UBE2U: variants seen among roughly 807,000 people sequenced by gnomAD.
UBE2U encodes ubiquitin-conjugating enzyme E2 U.
In UBE2U, 39 loss-of-function variants were observed where a neutral mutation model predicts 41.2. That is an observed-to-expected ratio of 0.95 (90% CI 0.73 to 1.24). UBE2U has a LOEUF of 1.24. Ranked by LOEUF, UBE2U falls within the 50% of genes most tolerant of loss-of-function variation. The pLI, the probability that UBE2U is intolerant of heterozygous loss-of-function variation, is 0.00. For synonymous variants in UBE2U, 107 were observed against 117.8 expected (o/e 0.91, Z 0.60); for missense variants, 336 against 363.1 (o/e 0.93, Z 0.61).
chr1:64,230,372 A>T (rs2100381140), intron 6 of UBE2U, among the ~76,000 whole-genome samples: 1 of 152,336 alleles, frequency 6.6e-6, no homozygotes, highest in Middle Eastern at 3.4e-3. Flanking sequence ...CAAGATCAAG[A>T]TTACGGAATC....
intron 8 of UBE2U, among the ~76,000 whole-genome samples, chr1:64,259,266 G>A (rs1645145267): frequency 6.6e-6 from 1 of 152,098 alleles, no homozygotes; most frequent in South Asian, 2.1e-4. Context: ...CTCCCATTCT[G>A]TAGGTTGCCT....
chr1:64,223,388 A>G (rs988968158), intron 6 of UBE2U, among the ~76,000 whole-genome samples: 3 of 152,166 alleles, frequency 2.0e-5, no homozygotes, highest in Non-Finnish European at 4.4e-5. Flanking sequence ...CCACCAGAGA[A>G]TGTAGTTGGA....
At chr1:64,258,036 C>A (rs1222772543) in intron 8 of UBE2U, among the ~76,000 whole-genome samples, 1 of 152,108 alleles carries the variant, frequency 6.6e-6, no homozygotes, top group Non-Finnish European at 1.5e-5. Context: ...AATGTTTGCC[C>A]TGAATGTCAG....
intron 7 of UBE2U, among the ~76,000 whole-genome samples, chr1:64,235,073 G>T (rs1644640152): frequency 6.6e-6 from 1 of 152,140 alleles, no homozygotes; most frequent in Admixed American, 6.5e-5. Flanking sequence ...AAGGAGATTT[G>T]GGAATAATTG....
At chr1:64,230,292 T>G (rs1193910310) in intron 6 of UBE2U, among the ~76,000 whole-genome samples, 3 of 152,216 alleles carry the variant, frequency 2.0e-5, no homozygotes, top group Admixed American at 2.0e-4. Context: ...AAAGTCTTGC[T>G]CCAACATGGA....
intron 5 of UBE2U, 59 bp from the exon 6 acceptor site, chr1:64,220,800 T>G: frequency 7.9e-7 from 1 of 1,265,304 alleles, no homozygotes; most frequent in Non-Finnish European, 1.1e-6. Flanking sequence ...ATAGTGCACA[T>G]AAAGCCATAT....
intron 3 of UBE2U, among the ~76,000 whole-genome samples, chr1:64,208,766 C>T (rs1007875722): frequency 5.3e-5 from 8 of 151,334 alleles, no homozygotes; most frequent in Non-Finnish European, 8.8e-5. Flanking sequence ...CTAAACAGAA[C>T]GAGGAAGGTC....
intron 6 of UBE2U, among the ~76,000 whole-genome samples, chr1:64,224,937 A>T (rs911406456): frequency 6.4e-4 from 34 of 52,734 alleles, no homozygotes; most frequent in African/African-American, 2.5e-3. Context: ...GGATATTATC[A>T]CACACACACA....
At chr1:64,223,059 C>G (rs1652600551) in intron 6 of UBE2U, among the ~76,000 whole-genome samples, 1 of 152,106 alleles carries the variant, frequency 6.6e-6, no homozygotes, top group African/African-American at 2.4e-5. Context: ...CTTGGGAGAA[C>G]AGCTAGTACT....
At chr1:64,260,734 A>C (rs1010817692) in intron 9 of UBE2U, 40 bp downstream of exon 9, 71 of 1,464,578 alleles carry the variant, frequency 4.8e-5, no homozygotes, top group Non-Finnish European at 6.6e-5. Context: ...TTTATAAATA[A>C]CATATTATGC....
intron 9 of UBE2U, among the ~76,000 whole-genome samples, chr1:64,266,403 A>C (rs1205389796): frequency 6.6e-6 from 1 of 152,160 alleles, no homozygotes; most frequent in Non-Finnish European, 1.5e-5. Flanking sequence ...GATATCTTTG[A>C]TCAAGTTACT....
intron 8 of UBE2U, among the ~76,000 whole-genome samples, chr1:64,255,532 T>A (rs897004120): frequency 5.3e-5 from 8 of 152,212 alleles, no homozygotes; most frequent in African/African-American, 1.9e-4. Flanking sequence ...AATAAAATAC[T>A]GGCCAACTGA....
At chr1:64,264,890 C>CA (rs1329906004) in intron 9 of UBE2U, among the ~76,000 whole-genome samples, 2 of 152,002 alleles carry the variant, frequency 1.3e-5, no homozygotes, top group African/African-American at 4.8e-5. Context: ...GCAGAGGTTG[C>CA]AGTGAGCTGA....
intron 9 of UBE2U, among the ~76,000 whole-genome samples, chr1:64,261,411 T>C (rs143627353): frequency 6.6e-6 from 1 of 152,302 alleles, no homozygotes; most frequent in East Asian, 1.9e-4. Context: ...ACAATTTCTT[T>C]GTGAACTGAA....
intron 8 of UBE2U, among the ~76,000 whole-genome samples, chr1:64,242,188 G>T (rs778451191): frequency 3.9e-5 from 6 of 152,198 alleles, no homozygotes; most frequent in Admixed American, 2.0e-4. Context: ...ATCTAATGAA[G>T]AAGGATATAG....
chr1:64,214,811 A>G lies in UBE2U; in HGVS notation c.340-4A>G, dbSNP rs541116935. On this transcript the variant is annotated splice_polypyrimidine_tract_variant and splice_region_variant and intron_variant, in intron 4 of 9. Transcript: ENST00000371077. ...AATTATATGTTGTCTGTGTTTTCCTATAGGTTATGCTTTCTAATCCAGTGC... is the reference window on the plus strand; with the variant it reads ...AATTATATGTTGTCTGTGTTTTCCTGTAGGTTATGCTTTCTAATCCAGTGC... The G allele has an allele frequency of 6.8e-6, 11 of 1,612,122 alleles. No individual in the cohort carries two copies. The South Asian group carries it at 8.8e-5, about 13-fold the overall frequency.
intron 4 of UBE2U, among the ~76,000 whole-genome samples, chr1:64,212,266 T>TA (rs1651708728): frequency 6.6e-6 from 1 of 152,168 alleles, no homozygotes; most frequent in South Asian, 2.1e-4. Flanking sequence ...CCACCTAAAC[T>TA]AGAGTCTGCC....
intron 7 of UBE2U, among the ~76,000 whole-genome samples, chr1:64,239,232 T>C (rs764239574): frequency 3.3e-5 from 5 of 151,728 alleles, no homozygotes; most frequent in African/African-American, 7.3e-5. Flanking sequence ...AGCATCTAGC[T>C]GGTTAAATAG....
intron 3 of UBE2U, among the ~76,000 whole-genome samples, chr1:64,209,644 G>A (rs557428974): frequency 6.6e-6 from 1 of 152,132 alleles, no homozygotes; most frequent in East Asian, 1.9e-4. Context: ...TGAACTTGAG[G>A]GGAGAGAAGG....
Sources: gnomAD v4.1 joint callset for allele counts (sites outside exome capture counted in the v4.1 genomes callset) on GRCh38, gnomAD v4.1.1 for gene constraint, MANE v1.5 for transcripts, NCBI Gene and HGNC (gene_info 2026-07-23, HGNC 2026-07-21) for gene names.